KCNIP4: variants seen among roughly 807,000 people sequenced by gnomAD.
KCNIP4 encodes the protein potassium voltage-gated channel interacting protein 4, also known as Kv channel-interacting protein 4.
In KCNIP4, 12 loss-of-function variants were observed where a neutral mutation model predicts 34.0. The ratio of observed to expected loss-of-function variants is 0.35; its 90% CI spans 0.23 to 0.57. The LOEUF (loss-of-function observed/expected upper bound fraction) is 0.57. Among genes scored for constraint, KCNIP4 ranks in the 20% least tolerant of loss-of-function variants. The pLI, the probability that KCNIP4 is intolerant of heterozygous loss-of-function variation, is 0.83. For missense variants in KCNIP4, 238 were observed against 311.7 expected (o/e 0.76, Z 1.78); for synonymous variants, 124 against 102.2 (o/e 1.21, Z -1.29).
chr4:20,960,083 C>T (rs1240738409), intron 1 of KCNIP4, among the ~76,000 whole-genome samples: 1 of 152,052 alleles, frequency 6.6e-6, no homozygotes, highest in African/African-American at 2.4e-5. Context: ...AATACGTCAA[C>T]AGTGTTTATT....
intron 3 of KCNIP4, among the ~76,000 whole-genome samples, chr4:20,807,096 T>A (rs1245281357): frequency 1.3e-5 from 2 of 152,088 alleles, no homozygotes; most frequent in African/African-American, 4.8e-5. Context: ...GTGTGCTGAG[T>A]TAATTCTCTC....
chr4:21,205,341 A>G (rs1050217835), intron 1 of KCNIP4, among the ~76,000 whole-genome samples: 2 of 152,150 alleles, frequency 1.3e-5, no homozygotes, highest in African/African-American at 4.8e-5. Flanking sequence ...TTCTGTCATG[A>G]TCCCAAGGTA....
chr4:21,695,530 C>T (rs1378119044), intron 1 of KCNIP4, among the ~76,000 whole-genome samples: 1 of 151,978 alleles, frequency 6.6e-6, no homozygotes, highest in Non-Finnish European at 1.5e-5. Flanking sequence ...TACTGCTATA[C>T]CAGCTTTCCA....
At chr4:21,717,529 A>G (rs997845974) in intron 1 of KCNIP4, among the ~76,000 whole-genome samples, 23 of 152,190 alleles carry the variant, frequency 1.5e-4, no homozygotes, top group African/African-American at 5.6e-4. Flanking sequence ...CTATGGCAGA[A>G]CCAATGAGAC....
At chr4:20,737,286 T>C (rs1054860843) in intron 5 of KCNIP4, among the ~76,000 whole-genome samples, 2 of 119,484 alleles carry the variant, frequency 1.7e-5, no homozygotes, top group African/African-American at 6.9e-5. Context: ...AGGAAAGGAT[T>C]GTTCATTTTG....
At chr4:20,891,853 A>C (rs551885881) in intron 1 of KCNIP4, among the ~76,000 whole-genome samples, 2 of 152,198 alleles carry the variant, frequency 1.3e-5, no homozygotes, top group Non-Finnish European at 2.9e-5. Context: ...TAATACTATG[A>C]TGCCTATTTT....
chr4:20,945,089 A>G (rs1732053986), intron 1 of KCNIP4, among the ~76,000 whole-genome samples: 2 of 152,102 alleles, frequency 1.3e-5, no homozygotes, highest in Non-Finnish European at 1.5e-5. Flanking sequence ...ATTTGGTTCC[A>G]ATGTCTCACT....
intron 1 of KCNIP4, among the ~76,000 whole-genome samples, chr4:21,767,779 C>T (rs1718520674): frequency 6.6e-6 from 1 of 152,028 alleles, no homozygotes; most frequent in African/African-American, 2.4e-5. Flanking sequence ...TTAAAACATA[C>T]ACACTACTAC....
At chr4:21,856,668 T>C (rs1485531948) in intron 1 of KCNIP4, among the ~76,000 whole-genome samples, 2 of 152,048 alleles carry the variant, frequency 1.3e-5, no homozygotes, top group Non-Finnish European at 2.9e-5. Flanking sequence ...CTGCCCAATC[T>C]GTGGCTGTAA....
At chr4:21,447,343 C>T (rs1436030143) in intron 1 of KCNIP4, among the ~76,000 whole-genome samples, 1 of 152,074 alleles carries the variant, frequency 6.6e-6, no homozygotes, top group Non-Finnish European at 1.5e-5. Flanking sequence ...TCCCAGGCCT[C>T]CAGAGGAAGT....
At chr4:20,818,059 A>G (rs1196425306) in intron 3 of KCNIP4, among the ~76,000 whole-genome samples, 1 of 152,216 alleles carries the variant, frequency 6.6e-6, no homozygotes, top group African/African-American at 2.4e-5. Context: ...TGTGCACTGT[A>G]AATTGGGTGC....
In KCNIP4 at chr4:21,104,951, T is replaced by C. The variant is rs190257254; in HGVS notation, c.62-222242A>G. ...AGGACTCTGTTCTGTTCCATTGGTC[T>C]ATATCTCTGTTTTGGTACAAGTACC... On this transcript the variant is annotated intron_variant, in intron 1 of 8. Coordinates refer to ENST00000382152, the MANE Select transcript of KCNIP4 (RefSeq NM_025221.6). Among the ~76,000 whole-genome samples, 286 of 151,790 alleles carry C rather than the reference T, an allele frequency of 1.9e-3. 7 individuals carry two copies. Among genetic ancestry groups the C allele is most frequent in the African/African-American group, 6.7e-3 (277 of 41,062 alleles).
At position 20,732,070 on chromosome 4, in the gene KCNIP4, TG is replaced by T. The variant is rs759973765; in HGVS notation, c.643-3del. The T allele has an allele frequency of 3.8e-6, 6 of 1,586,716 alleles. No homozygotes were observed. Among genetic ancestry groups the T allele is most frequent in the Non-Finnish European group, 4.3e-6 (5 of 1,169,072 alleles). ...CCCATCTTTATTTTTGTCCATTTTC[TG>T]TTCAGGAAGAAAACAAAAATTGTAT... On this transcript the variant is annotated splice_region_variant and splice_polypyrimidine_tract_variant and intron_variant, in intron 7 of 8. Transcript: ENST00000382152.
chr4:21,683,240 T>G (rs957654022), intron 1 of KCNIP4, among the ~76,000 whole-genome samples: 1 of 152,062 alleles, frequency 6.6e-6, no homozygotes, highest in African/African-American at 2.4e-5. Flanking sequence ...TAGCTGAAAT[T>G]AGGAAAATTA....
chr4:21,446,359 G>A (rs906812943), intron 1 of KCNIP4, among the ~76,000 whole-genome samples: 1 of 151,928 alleles, frequency 6.6e-6, no homozygotes, highest in Non-Finnish European at 1.5e-5. Flanking sequence ...CAATAGCAAA[G>A]ACTTGGAACC....
intron 1 of KCNIP4, among the ~76,000 whole-genome samples, chr4:21,912,533 A>G (rs1728393607): frequency 6.6e-6 from 1 of 152,190 alleles, no homozygotes; most frequent in African/African-American, 2.4e-5. Context: ...TGACAGAAAT[A>G]ATGTGGATAA....
intron 1 of KCNIP4, among the ~76,000 whole-genome samples, chr4:21,043,698 C>T (rs916485943): frequency 6.6e-5 from 10 of 152,012 alleles, no homozygotes; most frequent in African/African-American, 2.4e-4. Context: ...TTTTTGGATG[C>T]TAATATATGC....
intron 2 of KCNIP4, among the ~76,000 whole-genome samples, chr4:20,874,706 A>G (rs1238421540): frequency 6.7e-6 from 1 of 149,110 alleles, no homozygotes; most frequent in East Asian, 1.9e-4. Context: ...TTTAGTTTGG[A>G]AGATAGAGAT....
chr4:21,659,954 C>T (rs1208775521), intron 1 of KCNIP4, among the ~76,000 whole-genome samples: 1 of 152,116 alleles, frequency 6.6e-6, no homozygotes, highest in East Asian at 1.9e-4. Context: ...CCATGTGTAG[C>T]CTATATTTTA....
Sources: allele counts gnomAD v4.1 joint callset (sites outside exome capture counted in the v4.1 genomes callset), GRCh38; gene constraint gnomAD v4.1.1; transcripts MANE v1.5; gene names NCBI Gene and HGNC (gene_info 2026-07-23, HGNC 2026-07-21).